PCDH15: variants seen among roughly 807,000 people sequenced by gnomAD.
The protein encoded by PCDH15 is protocadherin related 15, also known as protocadherin-15.
A neutral mutation model predicts 178.5 loss-of-function variants in PCDH15; 129 were observed. The ratio of observed to expected loss-of-function variants is 0.72; its 90% CI spans 0.63 to 0.84. PCDH15 has a LOEUF of 0.84. Ranked by LOEUF, PCDH15 falls within the 40% of genes least tolerant of loss-of-function variation. The pLI, the probability that PCDH15 is intolerant of heterozygous loss-of-function variation, is 0.00. For synonymous variants in PCDH15, 800 were observed against 732.0 expected, an observed-to-expected ratio of 1.09 and a Z score of -1.50; for missense variants, 2,230 against 2,099.9, an observed-to-expected ratio of 1.06 and a Z score of -1.21.
At chr10:54,555,498 G>C (rs757877015) in intron 2 of PCDH15, among the ~76,000 whole-genome samples, 16 of 151,806 alleles carry the variant, frequency 1.1e-4, no homozygotes, top group Non-Finnish European at 2.2e-4. Context: ...GTGGGAGGCC[G>C]AGGCGGGCAG....
intron 13 of PCDH15, among the ~76,000 whole-genome samples, chr10:54,169,828 C>A (rs2046685622): frequency 6.6e-6 from 1 of 151,892 alleles, no homozygotes; most frequent in Admixed American, 6.6e-5. Context: ...CCTATAAACT[C>A]TCCTTACAAT....
chr10:55,557,811 A>G (rs186247911), intron 2 of PCDH15, among the ~76,000 whole-genome samples: 13 of 152,258 alleles, frequency 8.5e-5, no homozygotes, highest in African/African-American at 3.1e-4. Context: ...AAGAGGAAAG[A>G]ACCGAGGTAA....
chr10:53,971,090 C>T (rs531116105), intron 21 of PCDH15, among the ~76,000 whole-genome samples: 6 of 152,242 alleles, frequency 3.9e-5, no homozygotes, highest in East Asian at 1.9e-4. Context: ...TTATCCACCA[C>T]AATCAAGTGG....
At position 54,761,398 on chromosome 10, in the gene PCDH15, G is replaced by A. The variant is rs1447606874; in HGVS notation, c.-29+39527C>T. ...AAACCAATGGATTAAGAACAGGTAA[G>A]TAGCTGGGCGCAGTGGTTCATGCCT... is the stretch of plus-strand genomic sequence containing the variant. On this transcript the variant is annotated intron_variant, in intron 1 of 37. Transcript: ENST00000644397. 3.3e-5 allele frequency among the ~76,000 whole-genome samples: 5 copies of A among 152,198 alleles called. No individual in the cohort carries two copies. The South Asian group carries it at 8.3e-4, about 25-fold the overall frequency.
At chr10:54,973,822 A>G (rs534517859) in intron 2 of PCDH15, among the ~76,000 whole-genome samples, 1 of 152,272 alleles carries the variant, frequency 6.6e-6, no homozygotes, top group East Asian at 1.9e-4. Flanking sequence ...CATATACACA[A>G]TACACAACCA....
At chr10:55,334,586 C>T (rs999420992) in intron 2 of PCDH15, among the ~76,000 whole-genome samples, 15 of 151,708 alleles carry the variant, frequency 9.9e-5, no homozygotes, top group Non-Finnish European at 1.8e-4. Flanking sequence ...GCATTACAGG[C>T]GTGAGCCATG....
At chr10:55,327,400 A>G (rs182803933) in intron 2 of PCDH15, among the ~76,000 whole-genome samples, 1 of 152,124 alleles carries the variant, frequency 6.6e-6, no homozygotes, top group Non-Finnish European at 1.5e-5. Flanking sequence ...ATGCAAAATA[A>G]TGAAAGCAAA....
intron 1 of PCDH15, among the ~76,000 whole-genome samples, chr10:55,309,444 T>C (rs1000470951): frequency 2.6e-5 from 4 of 151,500 alleles, no homozygotes; most frequent in Admixed American, 6.6e-5. Context: ...TTGAACCCAG[T>C]AGGTCGAGGC....
intron 18 of PCDH15, among the ~76,000 whole-genome samples, chr10:54,051,042 C>A: frequency 6.6e-6 from 1 of 152,204 alleles, no homozygotes; most frequent in East Asian, 1.9e-4. Context: ...TCCCCTTCCA[C>A]CATGATCGTA....
intron 11 of PCDH15, among the ~76,000 whole-genome samples, chr10:54,193,638 A>T (rs2049263988): frequency 6.6e-6 from 1 of 152,166 alleles, no homozygotes; most frequent in African/African-American, 2.4e-5. Context: ...CATGAAACCC[A>T]CTATACATCA....
At chr10:53,821,821 A>T (rs774473420) in intron 32 of PCDH15, 1 of 1,609,688 alleles carries the variant, frequency 6.2e-7, no homozygotes. Flanking sequence ...ACTATGATCA[A>T]CAAGAGGTTT....
chr10:55,434,077 C>CTTTTTTTTTTTTTTTT lies in PCDH15; in HGVS notation c.-156+193532_-156+193547dup, dbSNP rs60921527. Among the ~76,000 whole-genome samples the CTTTTTTTTTTTTTTTT allele has an allele frequency of 8.1e-4, 74 of 90,812 alleles. 2 individuals carry two copies. Among genetic ancestry groups the CTTTTTTTTTTTTTTTT allele is most frequent in the Non-Finnish European group, 1.1e-3 (56 of 51,228 alleles). The allele number at this position is 90,812 out of a possible 152,430, so 59.6% of individuals were successfully genotyped here. A position where few individuals can be genotyped will look rare whatever the true frequency, so the allele number is the denominator to read the frequency against. ...AATTCTCCGCTTTTTCTTTTCTTTT[C>CTTTTTTTTTTTTTTTT]TTTTTTTTTTTTTTTTTTTTTGAGA... On this transcript the variant is annotated intron_variant, in intron 2 of 5. Coordinates refer to the PCDH15 transcript ENST00000613346.
At chr10:54,724,813 G>T (rs989501436) in intron 1 of PCDH15, among the ~76,000 whole-genome samples, 35 of 151,042 alleles carry the variant, frequency 2.3e-4, no homozygotes, top group African/African-American at 7.7e-4. Flanking sequence ...TTAGATTCAG[G>T]TGGCACATAT....
intron 21 of PCDH15, among the ~76,000 whole-genome samples, chr10:53,971,167 A>T (rs2089642082): frequency 6.6e-6 from 1 of 152,216 alleles, no homozygotes; most frequent in African/African-American, 2.4e-5. Flanking sequence ...CAGCATATAA[A>T]CAGAACCAAA....
chr10:54,726,434 GTGT>G (rs1566051941), intron 1 of PCDH15, among the ~76,000 whole-genome samples: 7,029 of 149,794 alleles, frequency 0.047, 252 homozygotes, highest in African/African-American at 0.099. Context: ...GTGTGTGTGT[GTGT>G]GTGTGTGTGT....
chr10:54,415,546 A>G (rs1009885808), intron 3 of PCDH15, among the ~76,000 whole-genome samples: 11 of 152,144 alleles, frequency 7.2e-5, no homozygotes, highest in African/African-American at 2.7e-4. Context: ...AAAGTAATTT[A>G]GAAAATAGTT....
chr10:54,879,696 T>C (rs1954224923), intron 3 of PCDH15, among the ~76,000 whole-genome samples: 1 of 151,180 alleles, frequency 6.6e-6, no homozygotes, highest in African/African-American at 2.4e-5. Flanking sequence ...TATATTAATA[T>C]TTTAGTATAA....
intron 18 of PCDH15, among the ~76,000 whole-genome samples, chr10:54,026,688 T>C (rs1473344185): frequency 1.3e-5 from 2 of 152,194 alleles, no homozygotes; most frequent in Non-Finnish European, 2.9e-5. Flanking sequence ...ATCCCAGGGA[T>C]GAAGTCCACT....
intron 17 of PCDH15, among the ~76,000 whole-genome samples, chr10:54,070,881 G>A (rs1023334499): frequency 6.6e-6 from 1 of 151,920 alleles, no homozygotes; most frequent in African/African-American, 2.4e-5. Context: ...TCTGAGCCGC[G>A]ATATCCAGCT....
Sources: allele counts gnomAD v4.1 joint callset (sites outside exome capture counted in the v4.1 genomes callset), GRCh38; gene constraint gnomAD v4.1.1; transcripts MANE v1.5; gene names NCBI Gene and HGNC (gene_info 2026-07-23, HGNC 2026-07-21).